The following ADAMTS18 variants were observed in gnomAD, a reference collection of about 807,000 sequenced individuals.
ADAMTS18 encodes ADAM metallopeptidase with thrombospondin type 1 motif 18.
In ADAMTS18, 157 loss-of-function variants were observed where a neutral mutation model predicts 165.9. That is an observed-to-expected ratio of 0.95 (90% CI 0.83 to 1.08). The LOEUF is 1.08. ADAMTS18 is among the 50% of genes least tolerant of loss of function. ADAMTS18 has a pLI of 0.00. For missense variants in ADAMTS18, 2,040 were observed against 1,534.0 expected (o/e 1.33, Z -5.51); for synonymous variants, 782 against 578.2 (o/e 1.35, Z -5.06).
At chr16:77,405,509 A>G (rs1295825450) in intron 3 of ADAMTS18, among the ~76,000 whole-genome samples, 1 of 152,188 alleles carries the variant, frequency 6.6e-6, no homozygotes, top group Non-Finnish European at 1.5e-5. Flanking sequence ...CTTAATTTCA[A>G]CTTTTCCTAA....
At chr16:77,348,908 C>A (rs576451863) in intron 10 of ADAMTS18, among the ~76,000 whole-genome samples, 2 of 152,142 alleles carry the variant, frequency 1.3e-5, no homozygotes, top group African/African-American at 4.8e-5. Context: ...ACTGGGTGGC[C>A]ACACAGCATA....
At chr16:77,397,029 G>A (rs1028761683) in intron 3 of ADAMTS18, among the ~76,000 whole-genome samples, 1 of 151,896 alleles carries the variant, frequency 6.6e-6, no homozygotes, top group Non-Finnish European at 1.5e-5. Context: ...GGCTGGTCTC[G>A]AACTCCTGAC....
intron 3 of ADAMTS18, 109 bp downstream of exon 3, chr16:77,431,186 T>C: frequency 2.6e-6 from 3 of 1,147,454 alleles, no homozygotes; most frequent in Non-Finnish European, 3.9e-6. Context: ...AGGCTGACAG[T>C]GTGAATGTGT....
At chr16:77,328,846 T>C (rs1307656138) in intron 12 of ADAMTS18, among the ~76,000 whole-genome samples, 2 of 152,210 alleles carry the variant, frequency 1.3e-5, no homozygotes, top group Admixed American at 6.5e-5. Flanking sequence ...CATACAGCCA[T>C]TGTCCTCCTT....
intron 3 of ADAMTS18, among the ~76,000 whole-genome samples, chr16:77,404,218 G>C (rs961552126): frequency 3.3e-5 from 5 of 152,180 alleles, no homozygotes; most frequent in African/African-American, 1.2e-4. Flanking sequence ...AGCTTGAACT[G>C]ACTTCTGCAT....
intron 10 of ADAMTS18, among the ~76,000 whole-genome samples, chr16:77,345,037 C>T (rs1415606698): frequency 1.3e-5 from 2 of 152,130 alleles, no homozygotes; most frequent in African/African-American, 4.8e-5. Flanking sequence ...ACCACAGAGA[C>T]TCCAAGGTCT....
intron 21 of ADAMTS18, among the ~76,000 whole-genome samples, chr16:77,290,064 TAA>T (rs2055332897): frequency 6.6e-6 from 1 of 152,216 alleles, no homozygotes. Context: ...TTTCTTATTT[TAA>T]AAAGTTACTA....
rs2056014084 is a variant in ADAMTS18 at position 77,322,250 on chromosome 16, A to T, written c.2163+86T>A. ...GCCACCTGCTCTTCTCCAGACACAC[A>T]ATCTCTCACACCACTGTTCACGGTA... is the stretch of plus-strand genomic sequence containing the variant. On this transcript the variant is annotated intron_variant, in intron 14 of 22. Transcript: ENST00000282849. 1.2e-5 allele frequency: 19 copies of T among 1,554,554 alleles called. No individual in the cohort carries two copies. The African/African-American group carries it at 1.6e-4, about 13-fold the overall frequency.
chr16:77,410,361 A>T (rs1179147356), intron 3 of ADAMTS18, among the ~76,000 whole-genome samples: 3 of 151,980 alleles, frequency 2.0e-5, no homozygotes, highest in African/African-American at 7.2e-5. Flanking sequence ...CATCTTTTTT[A>T]AAAAATTTCA....
At chr16:77,365,898 A>G (rs1341380277) in intron 4 of ADAMTS18, among the ~76,000 whole-genome samples, 2 of 152,230 alleles carry the variant, frequency 1.3e-5, no homozygotes, top group Non-Finnish European at 2.9e-5. Flanking sequence ...CTTATCTATG[A>G]AAACAGGTGA....
intron 3 of ADAMTS18, among the ~76,000 whole-genome samples, chr16:77,370,171 G>A (rs986067508): frequency 3.3e-5 from 5 of 152,102 alleles, no homozygotes; most frequent in Non-Finnish European, 7.3e-5. Context: ...CTAAGATCCA[G>A]AACAAGACAA....
chr16:77,291,208 C>A (rs548859798), intron 21 of ADAMTS18, 58 bp downstream of exon 21: 1 of 1,570,042 alleles, frequency 6.4e-7, no homozygotes, highest in African/African-American at 1.4e-5. Context: ...GTTTGCAGAA[C>A]GCCTCATTTT....
At chr16:77,318,909 C>T (rs1222090282) in intron 16 of ADAMTS18, among the ~76,000 whole-genome samples, 5 of 152,102 alleles carry the variant, frequency 3.3e-5, no homozygotes, top group African/African-American at 7.2e-5. Flanking sequence ...TGAAGCAAAT[C>T]GCTTGCTTGT....
chr16:77,285,518 G>GAGTATACACTACACATAA (rs1410113774), intron 22 of ADAMTS18, among the ~76,000 whole-genome samples: 2 of 151,036 alleles, frequency 1.3e-5, no homozygotes, highest in Non-Finnish European at 2.9e-5. Flanking sequence ...AAAATATTTA[G>GAGTATACACTACACATAA]AGTATACACT....
At chr16:77,294,363 G>A (rs1026768904) in intron 19 of ADAMTS18, among the ~76,000 whole-genome samples, 3 of 152,074 alleles carry the variant, frequency 2.0e-5, no homozygotes, top group Non-Finnish European at 4.4e-5. Context: ...ACATCAAAAT[G>A]TCTCCTGGTA....
Position 77,431,513 on chromosome 16 carries a change from C to T in ADAMTS18, c.277G>A (p.Ala93Thr), listed in dbSNP as rs1286550687. Reference sequence around the variant, plus strand: ...AATCGGTAGTGCAGGGAGCTTCTGGCATTCTGCGCCGATCGCTTTTTCCTG... The same window carrying T: ...AATCGGTAGTGCAGGGAGCTTCTGGTATTCTGCGCCGATCGCTTTTTCCTG... ...NGRKKRSAQN[A>T]RSSLHYRFSA... The change falls in exon 3 of 23, where the codon GCC (alanine) becomes ACC (threonine). Residue 93 changes from alanine to threonine, a missense_variant. Coordinates refer to ENST00000282849, the MANE Select transcript of ADAMTS18 (RefSeq NM_199355.4). 2.5e-6 allele frequency: 4 copies of T among 1,614,178 alleles called. No homozygotes were observed. The highest frequency in any genetic ancestry group is 3.4e-6 in the Non-Finnish European group (4 of 1,180,046).
intron 3 of ADAMTS18, among the ~76,000 whole-genome samples, chr16:77,389,526 CG>C (rs879540176): frequency 3.3e-5 from 5 of 152,050 alleles, no homozygotes; most frequent in African/African-American, 1.2e-4. Flanking sequence ...GTAGGACCTG[CG>C]AATAAGTAAT....
At chr16:77,390,698 A>G (rs901930734) in intron 3 of ADAMTS18, among the ~76,000 whole-genome samples, 2 of 150,416 alleles carry the variant, frequency 1.3e-5, no homozygotes, top group African/African-American at 5.0e-5. Flanking sequence ...TCAAAAAAAA[A>G]GAAAAAAAAA....
Position 77,291,414 on chromosome 16 carries a change from T to C in ADAMTS18, c.3254A>G (p.Gln1085Arg). 4 of 1,614,202 alleles carry C rather than the reference T, an allele frequency of 2.5e-6. No individual in the cohort carries two copies. The highest frequency in any genetic ancestry group is 3.4e-6 in the Non-Finnish European group (4 of 1,180,020). The part of the protein sequence containing the change: ...REMKCSEKGF[Q>R]GKLITFPERR... ...CTCTGGGAAAGTTATCAGCTTTCCC[T>C]GGAAGCCCTTCTCGCTGCACTTCAT... Residue 1085 changes from glutamine to arginine, a missense_variant, in exon 21 of 23, where the codon CAG becomes CGG. Physicochemically the swap from Gln to Arg is conservative, Grantham distance 43. Transcript: ENST00000282849.
Sources: allele counts gnomAD v4.1 joint callset (sites outside exome capture counted in the v4.1 genomes callset), GRCh38; gene constraint gnomAD v4.1.1; transcripts MANE v1.5; gene names NCBI Gene and HGNC (gene_info 2026-07-23, HGNC 2026-07-21).